Variants in SPART observed in about 807,000 individuals in gnomAD.
SPART encodes the protein spartin.
A neutral mutation model predicts 58.7 loss-of-function variants in SPART; 35 were observed. That is an observed-to-expected ratio of 0.60 (90% CI 0.46 to 0.79). SPART has a LOEUF of 0.79. Among genes scored for constraint, SPART ranks in the 30% least tolerant of loss-of-function variants. SPART has a pLI of 0.00. For synonymous variants in SPART, 284 were observed against 280.7 expected, an observed-to-expected ratio of 1.01 and a Z score of -0.12; for missense variants, 730 against 786.1, an observed-to-expected ratio of 0.93 and a Z score of 0.85.
At chr13:36,369,678 A>G (rs1886198395) in intron 1 of SPART, 1 of 152,214 alleles carries the variant, frequency 6.6e-6, no homozygotes, top group Non-Finnish European at 1.5e-5. Flanking sequence ...AGGTAAAGTA[A>G]CAAACAAAGG....
chr13:36,331,733 A>C, intron 2 of SPART, 137 bp from the exon 3 acceptor site: 1 of 635,870 alleles, frequency 1.6e-6, no homozygotes, highest in Non-Finnish European at 2.7e-6. Context: ...GGCTTTAAGA[A>C]ACATCAACAT....
chr13:36,328,410 T>G (rs1475523850), intron 4 of SPART, among the ~76,000 whole-genome samples: 1 of 152,176 alleles, frequency 6.6e-6, no homozygotes, highest in Admixed American at 6.5e-5. Context: ...AAATTTGCTA[T>G]TCATAAGGCC....
intron 5 of SPART, among the ~76,000 whole-genome samples, chr13:36,318,136 C>T (rs994705537): frequency 8.5e-5 from 13 of 152,062 alleles, no homozygotes; most frequent in Non-Finnish European, 1.3e-4. Context: ...CCTGCCAGGC[C>T]GAGCTAGGTC....
intron 1 of SPART, among the ~76,000 whole-genome samples, chr13:36,358,915 T>A (rs1885726459): frequency 1.3e-5 from 2 of 152,138 alleles, no homozygotes; most frequent in South Asian, 4.1e-4. Context: ...AAAATTAAAT[T>A]GGGGATAAGA....
chr13:36,337,490 T>G (rs1884126406), intron 1 of SPART, among the ~76,000 whole-genome samples: 2 of 152,224 alleles, frequency 1.3e-5, no homozygotes, highest in African/African-American at 4.8e-5. Context: ...TCACAACATC[T>G]GATGGTTTTA....
At chr13:36,317,663 GCTCT>G (rs1256237667) in intron 5 of SPART, among the ~76,000 whole-genome samples, 3 of 151,182 alleles carry the variant, frequency 2.0e-5, no homozygotes, top group Admixed American at 2.0e-4. Context: ...CCGTTTCTCT[GCTCT>G]CTCTTTTCTC....
chr13:36,332,704 A>G (rs1374518289), intron 2 of SPART, among the ~76,000 whole-genome samples: 2 of 152,232 alleles, frequency 1.3e-5, no homozygotes, highest in African/African-American at 2.4e-5. Context: ...TTGCCAGTAC[A>G]TACACAGACA....
chr13:36,338,458 T>C (rs916770100), intron 1 of SPART, among the ~76,000 whole-genome samples: 8 of 152,010 alleles, frequency 5.3e-5, no homozygotes, highest in Non-Finnish European at 8.8e-5. Flanking sequence ...GGCATAAGAA[T>C]TGATGGAATT....
At chr13:36,369,218 A>C (rs1462457628) in intron 1 of SPART, among the ~76,000 whole-genome samples, 5 of 152,208 alleles carry the variant, frequency 3.3e-5, no homozygotes, top group Non-Finnish European at 7.3e-5. Flanking sequence ...TAATTCATTT[A>C]GTCCTTTAAA....
At chr13:36,317,085 C>T (rs565584365) in intron 5 of SPART, among the ~76,000 whole-genome samples, 4 of 152,142 alleles carry the variant, frequency 2.6e-5, no homozygotes, top group Admixed American at 6.5e-5. Context: ...CCCAAAACTC[C>T]GGTGCCAGTC....
At chr13:36,350,103 G>A (rs1885354749), upstream of SPART, among the ~76,000 whole-genome samples, 1 of 152,106 alleles carries the variant, frequency 6.6e-6, no homozygotes, top group Admixed American at 6.6e-5. Context: ...ATCTTATTGA[G>A]GTAAAACAAG....
chr13:36,358,226 T>C (rs896850322), intron 1 of SPART, among the ~76,000 whole-genome samples: 3 of 152,348 alleles, frequency 2.0e-5, no homozygotes. Context: ...AAACTCTTGT[T>C]TTTTTGTTAT....
At chr13:36,319,922 T>C (rs1274318825) in intron 5 of SPART, among the ~76,000 whole-genome samples, 1 of 152,132 alleles carries the variant, frequency 6.6e-6, no homozygotes, top group Non-Finnish European at 1.5e-5. Flanking sequence ...CCAATCTGTC[T>C]GACTGATCTC....
At chr13:36,329,327 A>T in intron 4 of SPART, 35 bp downstream of exon 4, 1 of 1,610,982 alleles carries the variant, frequency 6.2e-7, no homozygotes, top group Non-Finnish European at 8.5e-7. Flanking sequence ...GTACCATTAG[A>T]AGACAACACA....
intron 5 of SPART, among the ~76,000 whole-genome samples, chr13:36,320,836 A>G (rs1482385871): frequency 6.6e-6 from 1 of 152,172 alleles, no homozygotes; most frequent in Non-Finnish European, 1.5e-5. Context: ...TCCCACCTCA[A>G]TACAGTCTGA....
intron 8 of SPART, among the ~76,000 whole-genome samples, chr13:36,309,860 T>C (rs1229502011): frequency 6.6e-6 from 1 of 152,182 alleles, no homozygotes; most frequent in Non-Finnish European, 1.5e-5. Context: ...AGCCTGCACA[T>C]GTACCCTTTA....
At chr13:36,357,669 C>T (rs532587562) in intron 1 of SPART, among the ~76,000 whole-genome samples, 1 of 152,306 alleles carries the variant, frequency 6.6e-6, no homozygotes, top group South Asian at 2.1e-4. Context: ...TTCAGGTATT[C>T]TCTGTATACT....
At chr13:36,329,570 T>C in intron 3 of SPART, 53 bp from the exon 4 acceptor site, 2 of 1,563,216 alleles carry the variant, frequency 1.3e-6, no homozygotes, top group Non-Finnish European at 1.8e-6. Flanking sequence ...CTTAGATGGC[T>C]TTCTGCCAGC....
chr13:36,336,599 C>T (rs1249346965), intron 1 of SPART, among the ~76,000 whole-genome samples: 1 of 152,164 alleles, frequency 6.6e-6, no homozygotes. Flanking sequence ...CTGGTGAAAG[C>T]TGAAAAATGA....
Sources: gnomAD v4.1 joint callset for allele counts (sites outside exome capture counted in the v4.1 genomes callset) on GRCh38, gnomAD v4.1.1 for gene constraint, MANE v1.5 for transcripts, NCBI Gene and HGNC (gene_info 2026-07-23, HGNC 2026-07-21) for gene names.